Variants in ENTREP2 observed in about 807,000 individuals in gnomAD.
ENTREP2 encodes protein ENTREP2.
the ENTREP2 span, among the ~76,000 whole-genome samples, chr15:29,648,621 T>C: frequency 6.6e-6 from 1 of 152,140 alleles, no homozygotes; most frequent in Non-Finnish European, 1.5e-5. Context: ...TCAATACCAT[T>C]GAAGTTACGC....
the ENTREP2 span, among the ~76,000 whole-genome samples, chr15:29,423,680 C>A: frequency 3.3e-5 from 5 of 151,930 alleles, no homozygotes; most frequent in African/African-American, 1.2e-4. Context: ...CGCCTGTAGT[C>A]CCAGCTACGC....
chr15:29,170,909 G>C, the ENTREP2 span, among the ~76,000 whole-genome samples: 1 of 152,214 alleles, frequency 6.6e-6, no homozygotes. Context: ...TACAAAGAAT[G>C]TAAGTCTATT....
chr15:29,475,738 G>T, the ENTREP2 span, among the ~76,000 whole-genome samples: 1 of 152,190 alleles, frequency 6.6e-6, no homozygotes, highest in African/African-American at 2.4e-5. Flanking sequence ...AGGGGTATGG[G>T]TCCTGAGAAG....
the ENTREP2 span, chr15:29,269,102 GA>G: frequency 4.3e-6 from 7 of 1,614,038 alleles, no homozygotes; most frequent in Non-Finnish European, 5.1e-6. Context: ...AAGCGCCGCA[GA>G]AAGTCCCAGG....
At chr15:29,406,456 G>C in the ENTREP2 span, among the ~76,000 whole-genome samples, 3 of 152,054 alleles carry the variant, frequency 2.0e-5, no homozygotes, top group Admixed American at 6.6e-5. Flanking sequence ...GCTGAGGTAA[G>C]AGAATCACTT....
the ENTREP2 span, among the ~76,000 whole-genome samples, chr15:29,628,495 C>T: frequency 4.6e-5 from 7 of 152,272 alleles, no homozygotes; most frequent in Admixed American, 2.6e-4. Flanking sequence ...ATGCTGTTGT[C>T]ACTTAGAATA....
At chr15:29,396,958 G>A in the ENTREP2 span, among the ~76,000 whole-genome samples, 1 of 152,116 alleles carries the variant, frequency 6.6e-6, no homozygotes, top group Non-Finnish European at 1.5e-5. Context: ...AAATAAATAA[G>A]CAGATAGAGA....
At chr15:29,657,124 T>C in the ENTREP2 span, among the ~76,000 whole-genome samples, 3 of 152,118 alleles carry the variant, frequency 2.0e-5, no homozygotes, top group South Asian at 4.1e-4. Context: ...CTTGGCTCAC[T>C]GCAAGCTCCG....
chr15:29,571,678 A>G, the ENTREP2 span, among the ~76,000 whole-genome samples: 2 of 152,214 alleles, frequency 1.3e-5, no homozygotes, highest in Non-Finnish European at 2.9e-5. Context: ...GCGCAATATC[A>G]TTAATAACCG....
At chr15:29,622,383 T>C in the ENTREP2 span, among the ~76,000 whole-genome samples, 1 of 152,002 alleles carries the variant, frequency 6.6e-6, no homozygotes, top group South Asian at 2.1e-4. Flanking sequence ...TTTTTTTGTA[T>C]TTTTAGTAGA....
At chr15:29,548,966 T>G in the ENTREP2 span, among the ~76,000 whole-genome samples, 1 of 152,144 alleles carries the variant, frequency 6.6e-6, no homozygotes, top group Admixed American at 6.6e-5. Flanking sequence ...AAAGCCTAAC[T>G]CAGGAGGATA....
At chr15:29,540,273 T>C in the ENTREP2 span, among the ~76,000 whole-genome samples, 1 of 152,212 alleles carries the variant, frequency 6.6e-6, no homozygotes, top group Non-Finnish European at 1.5e-5. Flanking sequence ...TCTCGCTATG[T>C]TGAAATGTAT....
chr15:29,493,955 C>CT, the ENTREP2 span, among the ~76,000 whole-genome samples: 1 of 152,190 alleles, frequency 6.6e-6, no homozygotes, highest in East Asian at 1.9e-4. Context: ...CCAGCCTGGC[C>CT]AATAGAGTGA....
the ENTREP2 span, among the ~76,000 whole-genome samples, chr15:29,559,742 T>C: frequency 3.3e-5 from 5 of 152,306 alleles, 1 homozygote; most frequent in African/African-American, 1.2e-4. Context: ...CCCCTGTGAT[T>C]ACACAGGGCC....
At chr15:29,565,960 C>CAA in the ENTREP2 span, among the ~76,000 whole-genome samples, 15 of 123,274 alleles carry the variant, frequency 1.2e-4, no homozygotes, top group African/African-American at 1.5e-4. Flanking sequence ...GGCTCTGTCT[C>CAA]AAAAAAAAAA....
chr15:29,449,708 G>A, the ENTREP2 span, among the ~76,000 whole-genome samples: 8 of 152,180 alleles, frequency 5.3e-5, no homozygotes, highest in Admixed American at 6.5e-5. Flanking sequence ...AGAACAATGT[G>A]GCAGCTTAAG....
At chr15:29,454,012 T>C in the ENTREP2 span, among the ~76,000 whole-genome samples, 1 of 152,330 alleles carries the variant, frequency 6.6e-6, no homozygotes, top group East Asian at 1.9e-4. Context: ...AAGAGGATGA[T>C]TGAGTCAAAG....
the ENTREP2 span, among the ~76,000 whole-genome samples, chr15:29,527,747 C>G: frequency 1.3e-5 from 2 of 152,088 alleles, no homozygotes; most frequent in East Asian, 3.9e-4. Context: ...AACACACACA[C>G]AACACACAAG....
the ENTREP2 span, among the ~76,000 whole-genome samples, chr15:29,206,750 A>T: frequency 5.9e-5 from 9 of 152,164 alleles, no homozygotes; most frequent in Non-Finnish European, 1.0e-4. Context: ...AAATATACTA[A>T]GAAAACACTG....
Sources: gnomAD v4.1 joint callset for allele counts (sites outside exome capture counted in the v4.1 genomes callset) on GRCh38, gnomAD v4.1.1 for gene constraint, MANE v1.5 for transcripts, NCBI Gene and HGNC (gene_info 2026-07-23, HGNC 2026-07-21) for gene names.